The following COL21A1 variants were observed in gnomAD, a reference collection of about 807,000 sequenced individuals.
COL21A1 encodes the protein collagen type XXI alpha 1 chain, also known as collagen alpha-1(XXI) chain.
In COL21A1, 149 loss-of-function variants were observed where a neutral mutation model predicts 137.9. That is an observed-to-expected ratio of 1.08 (90% CI 0.95 to 1.24). The LOEUF (loss-of-function observed/expected upper bound fraction) is 1.24, where lower values mean the gene tolerates loss of function less well. Among genes scored for constraint, COL21A1 ranks in the 50% most tolerant of loss-of-function variants. COL21A1 has a pLI of 0.00. For missense variants in COL21A1, 1,167 were observed against 1,158.4 expected, an observed-to-expected ratio of 1.01 and a Z score of -0.11; for synonymous variants, 456 against 391.5, an observed-to-expected ratio of 1.16 and a Z score of -1.95.
chr6:56,253,620 AT>A (rs2152329540), intron 1 of COL21A1, among the ~76,000 whole-genome samples: 1 of 152,280 alleles, frequency 6.6e-6, no homozygotes, highest in East Asian at 1.9e-4. Context: ...CTATGTGAGC[AT>A]TTTTTGTTTA....
intron 12 of COL21A1, among the ~76,000 whole-genome samples, chr6:56,131,875 A>G (rs1050907617): frequency 6.6e-6 from 1 of 152,192 alleles, no homozygotes; most frequent in Non-Finnish European, 1.5e-5. Flanking sequence ...GAGACTTAAC[A>G]TGAAAACAAA....
At chr6:56,105,212 T>C (rs745709306) in intron 16 of COL21A1, among the ~76,000 whole-genome samples, 4 of 152,228 alleles carry the variant, frequency 2.6e-5, no homozygotes, top group Non-Finnish European at 4.4e-5. Context: ...TTTAACTAAA[T>C]CCCGTCCTCT....
intron 1 of COL21A1, among the ~76,000 whole-genome samples, chr6:56,373,606 A>C (rs952143372): frequency 6.6e-6 from 1 of 152,222 alleles, no homozygotes; most frequent in Non-Finnish European, 1.5e-5. Flanking sequence ...TGTCTCAAAA[A>C]ACAAACAAAC....
chr6:56,059,999 G>C lies in COL21A1; in HGVS notation c.2608+19C>G. 1 of 1,554,964 alleles carries C rather than the reference G, an allele frequency of 6.4e-7. No homozygotes were observed. The highest frequency in any genetic ancestry group is 8.7e-7 in the Non-Finnish European group (1 of 1,149,814). ...AAGACTTTTTAAAATTCATTTTCTT[G>C]TTGAAACTAACTGCATACCTTTTAA... On this transcript the variant is annotated intron_variant, in intron 28 of 29. Coordinates refer to ENST00000244728, the MANE Select transcript of COL21A1 (RefSeq NM_030820.4).
intron 12 of COL21A1, among the ~76,000 whole-genome samples, chr6:56,131,976 GA>G (rs1391216771): frequency 6.6e-6 from 1 of 151,744 alleles, no homozygotes; most frequent in Non-Finnish European, 1.5e-5. Context: ...ATAAAAGGAA[GA>G]AAAATTATTT....
intron 10 of COL21A1, among the ~76,000 whole-genome samples, chr6:56,154,277 T>C (rs1775566949): frequency 6.6e-6 from 1 of 152,196 alleles, no homozygotes; most frequent in Non-Finnish European, 1.5e-5. Context: ...GTCATGCTCT[T>C]GGACTTCCCA....
At chr6:56,282,189 A>G (rs1376102528) in intron 1 of COL21A1, among the ~76,000 whole-genome samples, 1 of 152,178 alleles carries the variant, frequency 6.6e-6, no homozygotes, top group Non-Finnish European at 1.5e-5. Flanking sequence ...CTTTCTATTA[A>G]TTACCATCAA....
chr6:56,281,978 A>C (rs749272933), intron 1 of COL21A1, among the ~76,000 whole-genome samples: 1 of 152,162 alleles, frequency 6.6e-6, no homozygotes, highest in South Asian at 2.1e-4. Flanking sequence ...TACCAAATAA[A>C]CTTTGCTGTG....
At chr6:56,206,693 A>ATATGT (rs1779800725) in intron 1 of COL21A1, among the ~76,000 whole-genome samples, 1 of 127,910 alleles carries the variant, frequency 7.8e-6, no homozygotes. Context: ...TAAATAAATA[A>ATATGT]ATAAATATAT....
At chr6:56,133,053 T>C (rs758461037) in intron 12 of COL21A1, among the ~76,000 whole-genome samples, 61 of 152,108 alleles carry the variant, frequency 4.0e-4, no homozygotes, top group Non-Finnish European at 7.8e-4. Context: ...TAGAGTAGGG[T>C]GCTGCTGAAA....
Position 56,077,540 on chromosome 6 carries a change from T to C in COL21A1, c.1846A>G (p.Met616Val), listed in dbSNP as rs1770520296. 2 of 1,578,084 alleles carry C rather than the reference T, an allele frequency of 1.3e-6. No individual in the cohort carries two copies. Among genetic ancestry groups the C allele is most frequent in the African/African-American group, 1.4e-5 (1 of 73,428 alleles). The part of the protein sequence containing the change: ...IPGFPGNRGL[M>V]GQKGEIGPPG... ...TCATGAATACTTACCTTTTGGCCCATTAATCCTCGGTTTCCAGGAAATCCT... is the reference window on the plus strand; with the variant it reads ...TCATGAATACTTACCTTTTGGCCCACTAATCCTCGGTTTCCAGGAAATCCT... The change falls in exon 18 of 30, where the codon ATG becomes GTG. Residue 616 changes from methionine to valine, a missense_variant. Physicochemically the swap from Met to Val is conservative, Grantham distance 21 (BLOSUM62 1). Coordinates refer to ENST00000244728, the MANE Select transcript of COL21A1 (RefSeq NM_030820.4).
At chr6:56,213,221 G>A (rs926962709) in intron 1 of COL21A1, among the ~76,000 whole-genome samples, 9 of 151,918 alleles carry the variant, frequency 5.9e-5, no homozygotes, top group Non-Finnish European at 1.3e-4. Context: ...CAAAAGCCAA[G>A]ACATTTTATT....
intron 12 of COL21A1, 72 bp downstream of exon 12, chr6:56,141,713 G>A: frequency 1.3e-6 from 2 of 1,499,636 alleles, no homozygotes; most frequent in Admixed American, 3.4e-5. Flanking sequence ...CTATTGAATG[G>A]AAACCATCAC....
At chr6:56,134,694 G>A (rs997051924) in intron 12 of COL21A1, among the ~76,000 whole-genome samples, 2 of 152,204 alleles carry the variant, frequency 1.3e-5, no homozygotes, top group African/African-American at 4.8e-5. Context: ...TTGAATCATG[G>A]GGTGGGTCTT....
chr6:56,129,912 C>T (rs1176725964), intron 12 of COL21A1, among the ~76,000 whole-genome samples: 2 of 150,412 alleles, frequency 1.3e-5, no homozygotes, highest in Admixed American at 6.6e-5. Flanking sequence ...ACTCCTAATA[C>T]AAGAACCTAA....
At chr6:56,382,304 G>T (rs1012124914) in intron 1 of COL21A1, among the ~76,000 whole-genome samples, 6 of 152,190 alleles carry the variant, frequency 3.9e-5, no homozygotes, top group African/African-American at 1.4e-4. Flanking sequence ...CAAAAGCACT[G>T]TACTCTCTAT....
chr6:56,060,670 A>C, intron 27 of COL21A1, 71 bp downstream of exon 27: 1 of 1,296,590 alleles, frequency 7.7e-7, no homozygotes. Context: ...ATCCTCTACA[A>C]TATGTCCTAA....
At chr6:56,192,450 G>A (rs1778749725) in intron 1 of COL21A1, among the ~76,000 whole-genome samples, 1 of 151,500 alleles carries the variant, frequency 6.6e-6, no homozygotes. Context: ...CTGACAAAGG[G>A]CTAATATCCA....
chr6:56,343,435 T>G (rs1765515229), intron 1 of COL21A1, among the ~76,000 whole-genome samples: 1 of 152,184 alleles, frequency 6.6e-6, no homozygotes, highest in Non-Finnish European at 1.5e-5. Context: ...AATTGCATGC[T>G]TCTCACATAC....
Sources: allele counts gnomAD v4.1 joint callset (sites outside exome capture counted in the v4.1 genomes callset), GRCh38; gene constraint gnomAD v4.1.1; transcripts MANE v1.5; gene names NCBI Gene and HGNC (gene_info 2026-07-23, HGNC 2026-07-21).